The following LYN variants were observed in gnomAD, a reference collection of about 807,000 sequenced individuals.
The protein encoded by LYN is tyrosine-protein kinase Lyn.
Under a neutral mutation model 65.0 loss-of-function variants are expected in LYN, and 12 were observed. The observed-to-expected ratio is 0.18, with a 90% CI of 0.12 to 0.30. The LOEUF is 0.30. Among genes scored for constraint, LYN ranks in the 10% least tolerant of loss-of-function variants. The pLI is 1.00. For synonymous variants in LYN, 222 were observed against 221.2 expected (o/e 1.00, Z -0.03); for missense variants, 380 against 623.2 (o/e 0.61, Z 4.16).
chr8:55,995,212 C>T (rs1294828900), intron 10 of LYN, among the ~76,000 whole-genome samples: 1 of 152,108 alleles, frequency 6.6e-6, no homozygotes, highest in Non-Finnish European at 1.5e-5. Context: ...GCAGAGGCTT[C>T]CTAGAGAAAG....
rs572656120 is a variant in LYN at position 56,012,017 on chromosome 8, A to T, written c.*1907A>T. 1.5e-3 allele frequency: 292 copies of T among 189,086 alleles called. No individual in the cohort carries two copies. Among genetic ancestry groups the T allele is most frequent in the Non-Finnish European group, 2.5e-3 (229 of 89,982 alleles). The allele number at this position is 189,086 out of a possible 1,614,324, so 11.7% of individuals were successfully genotyped here. A position where few individuals can be genotyped will look rare whatever the true frequency, so the allele number is the denominator to read the frequency against. ...AAATTTATTTAAAGAAAATTATTAA[A>T]TTTATCTTCGCCTTGTTTTGCTTCT... On this transcript the variant is annotated 3_prime_UTR_variant, in exon 13 of 13. Transcript: ENST00000519728.
intron 2 of LYN, among the ~76,000 whole-genome samples, chr8:55,944,995 C>T (rs1806734049): frequency 6.6e-6 from 1 of 152,192 alleles, no homozygotes; most frequent in Non-Finnish European, 1.5e-5. Context: ...ATGCCCTCCA[C>T]TCATGAGCCA....
In LYN at chr8:55,911,194, C is replaced by CATATATACGTGTATATATATACATATAT. The variant is rs1805617011; in HGVS notation, c.-5-30660_-5-30659insTATATACGTGTATATATATACATATATA. On this transcript the variant is annotated intron_variant, in intron 1 of 12. Coordinates refer to ENST00000519728, the MANE Select transcript of LYN (RefSeq NM_002350.4). ...ACACGTATATATATATATATACACA[C>CATATATACGTGTATATATATACATATAT]ACACATATATATATACACGTGTATA... is the stretch of plus-strand genomic sequence containing the variant. Among the ~76,000 whole-genome samples the CATATATACGTGTATATATATACATATAT allele has an allele frequency of 4.4e-4, 7 of 15,972 alleles. 1 individual carries two copies. The highest frequency in any genetic ancestry group is 9.6e-4 in the Admixed American group (1 of 1,044). The allele number at this position is 15,972 out of a possible 152,430, so 10.5% of individuals were successfully genotyped here. A position where few individuals can be genotyped will look rare whatever the true frequency, so the allele number is the denominator to read the frequency against.
intron 10 of LYN, among the ~76,000 whole-genome samples, chr8:55,985,194 G>C (rs1216100927): frequency 2.0e-5 from 3 of 152,222 alleles, no homozygotes; most frequent in Non-Finnish European, 2.9e-5. Flanking sequence ...ACTGCTCTAA[G>C]TGAGTGAAAC....
At chr8:55,944,307 G>A (rs1489128937) in intron 2 of LYN, among the ~76,000 whole-genome samples, 2 of 151,922 alleles carry the variant, frequency 1.3e-5, no homozygotes, top group African/African-American at 4.8e-5. Flanking sequence ...TACAGATATA[G>A]AACCATATCA....
At chr8:55,903,756 G>A (rs1805346116) in intron 1 of LYN, among the ~76,000 whole-genome samples, 1 of 152,188 alleles carries the variant, frequency 6.6e-6, no homozygotes, top group South Asian at 2.1e-4. Flanking sequence ...GCTCACACCT[G>A]TAATCCCAGC....
intron 1 of LYN, among the ~76,000 whole-genome samples, chr8:55,941,525 C>CT (rs1806613373): frequency 6.6e-6 from 1 of 152,208 alleles, no homozygotes; most frequent in African/African-American, 2.4e-5. Flanking sequence ...TGACCACCTC[C>CT]TTTTCCTCTT....
intron 8 of LYN, among the ~76,000 whole-genome samples, chr8:55,959,321 CT>C (rs1245372639): frequency 6.6e-6 from 1 of 152,178 alleles, no homozygotes; most frequent in Non-Finnish European, 1.5e-5. Context: ...CCCTTTCTCA[CT>C]TTTTAAATTG....
intron 10 of LYN, among the ~76,000 whole-genome samples, chr8:55,990,091 T>C (rs1305610754): frequency 6.6e-6 from 1 of 151,814 alleles, no homozygotes; most frequent in Non-Finnish European, 1.5e-5. Context: ...ATATAAAAAT[T>C]AGCCAGGCAT....
rs752931705 is a variant in LYN at position 55,952,105 on chromosome 8, A to C, written c.627A>C (p.Lys209Asn). 1 of 1,589,814 alleles carries C rather than the reference A, an allele frequency of 6.3e-7. No individual in the cohort carries two copies. The highest frequency in any genetic ancestry group is 8.5e-7 in the Non-Finnish European group (1 of 1,172,746). Residue 209 changes from lysine to asparagine, a missense_variant, in exon 7 of 13, where the codon AAA (lysine) becomes AAC (asparagine). Lys to Asn is a moderately conservative substitution (Grantham distance 94). This residue lies in a region of LYN where 223 missense variants were observed against 430.0 expected (regional missense o/e 0.52). Transcript: ENST00000519728. ...TTCCCTGTATCAGCGACATGATTAA[A>C]CATTACCAAAGTAAGTAAAAACTGA... ...ITFPCISDMI[K>N]HYQKQADGLC...
At chr8:55,888,805 C>T (rs1804872688) in intron 1 of LYN, among the ~76,000 whole-genome samples, 1 of 152,016 alleles carries the variant, frequency 6.6e-6, no homozygotes, top group Non-Finnish European at 1.5e-5. Context: ...GGTACGATCT[C>T]ACTCACCAGG....
In LYN at chr8:55,954,835, A is replaced by AAAATAAATAAAT. The variant is rs113354539; in HGVS notation, c.790+879_790+890dup. Among the ~76,000 whole-genome samples the AAAATAAATAAAT allele has an allele frequency of 9.7e-3, 1,445 of 148,778 alleles. 12 individuals are homozygous for AAAATAAATAAAT. The highest frequency in any genetic ancestry group is 0.019 in the African/African-American group (768 of 40,308). ...GGGTGACACAGTGAGACCCTGCCTC[A>AAAATAAATAAAT]AAATAAATAAATAAATAAATAAATA... is the stretch of plus-strand genomic sequence containing the variant. On this transcript the variant is annotated intron_variant, in intron 8 of 12. Transcript: ENST00000519728.
chr8:55,921,931 G>A (rs2130434088), intron 1 of LYN, among the ~76,000 whole-genome samples: 1 of 152,290 alleles, frequency 6.6e-6, no homozygotes, highest in Admixed American at 6.5e-5. Flanking sequence ...GATAATACAA[G>A]GGTGTGCAAA....
At chr8:55,928,922 C>T (rs1324181776) in intron 1 of LYN, among the ~76,000 whole-genome samples, 1 of 151,836 alleles carries the variant, frequency 6.6e-6, no homozygotes, top group Non-Finnish European at 1.5e-5. Flanking sequence ...TCCTTTAGGT[C>T]TGTGATTCAT....
chr8:55,970,168 A>G (rs1280488337), intron 10 of LYN, among the ~76,000 whole-genome samples: 1 of 152,208 alleles, frequency 6.6e-6, no homozygotes, highest in African/African-American at 2.4e-5. Context: ...TAAGTTACGA[A>G]TCGAATGTAT....
chr8:55,981,607 C>T (rs560415124), intron 10 of LYN, among the ~76,000 whole-genome samples: 140 of 152,294 alleles, frequency 9.2e-4, no homozygotes, highest in African/African-American at 3.2e-3. Context: ...CCTCCCACCT[C>T]TGCCTCCCAA....
intron 1 of LYN, among the ~76,000 whole-genome samples, chr8:55,904,928 C>T (rs1805377408): frequency 6.6e-6 from 1 of 152,084 alleles, no homozygotes. Flanking sequence ...CCTGGCTGCT[C>T]ATTAGAATCA....
At chr8:55,948,299 C>A (rs1806843537) in intron 4 of LYN, among the ~76,000 whole-genome samples, 1 of 152,156 alleles carries the variant, frequency 6.6e-6, no homozygotes, top group Admixed American at 6.5e-5. Flanking sequence ...TCCACTCTTG[C>A]CACCTTAAGA....
At chr8:55,962,376 C>A (rs1585643316) in intron 8 of LYN, among the ~76,000 whole-genome samples, 1 of 151,284 alleles carries the variant, frequency 6.6e-6, no homozygotes, top group African/African-American at 2.4e-5. Flanking sequence ...CGTGTGGCTA[C>A]AATTCATTCA....
Sources: gnomAD v4.1 joint callset for allele counts (sites outside exome capture counted in the v4.1 genomes callset) on GRCh38, gnomAD v4.1.1 for gene constraint, gnomAD v4.1.1 regional missense constraint, MANE v1.5 for transcripts, NCBI Gene and HGNC (gene_info 2026-07-23, HGNC 2026-07-21) for gene names.